DLG2: variants seen among roughly 807,000 people sequenced by gnomAD.
DLG2 encodes disks large homolog 2.
In DLG2, 45 loss-of-function variants were observed where a neutral mutation model predicts 132.5. That is an observed-to-expected ratio of 0.34 (90% CI 0.27 to 0.44). The LOEUF (loss-of-function observed/expected upper bound fraction) is 0.44, where lower values mean the gene tolerates loss of function less well. DLG2 is among the 20% of genes least tolerant of loss of function. The pLI, the probability that DLG2 is intolerant of heterozygous loss-of-function variation, is 1.00. For synonymous variants in DLG2, 424 were observed against 419.6 expected (o/e 1.01, Z -0.13); for missense variants, 1,045 against 1,196.9 (o/e 0.87, Z 1.87).
At chr11:85,340,609 G>A (rs1291248900) in intron 3 of DLG2, among the ~76,000 whole-genome samples, 1 of 152,168 alleles carries the variant, frequency 6.6e-6, no homozygotes, top group Non-Finnish European at 1.5e-5. Context: ...TGCACATTGT[G>A]CACATGTACC....
intron 14 of DLG2, among the ~76,000 whole-genome samples, chr11:83,953,542 A>T (rs1374897380): frequency 6.6e-6 from 1 of 152,206 alleles, no homozygotes; most frequent in Non-Finnish European, 1.5e-5. Flanking sequence ...CTTCCATGAA[A>T]GTGGTCCCTG....
chr11:85,182,693 A>G (rs1330890184), intron 4 of DLG2, among the ~76,000 whole-genome samples: 1 of 151,588 alleles, frequency 6.6e-6, no homozygotes, highest in Admixed American at 6.6e-5. Context: ...CTCCCCAGCA[A>G]CATATTCAGA....
chr11:83,725,032 G>A, intron 18 of DLG2: 2 of 626,370 alleles, frequency 3.2e-6, no homozygotes, highest in South Asian at 3.7e-5. Context: ...AAGCAGGTAG[G>A]GCTACCTTCC....
intron 3 of DLG2, among the ~76,000 whole-genome samples, chr11:85,291,318 A>G (rs1017708115): frequency 2.0e-5 from 3 of 152,162 alleles, no homozygotes; most frequent in Non-Finnish European, 4.4e-5. Context: ...AATGTGTAAC[A>G]TCTTTACATA....
chr11:83,932,768 G>A (rs577340583), intron 14 of DLG2, among the ~76,000 whole-genome samples: 49 of 152,080 alleles, frequency 3.2e-4, no homozygotes, highest in African/African-American at 1.2e-3. Context: ...GTTCTTTCAA[G>A]GGAGCCATAA....
chr11:84,558,605 C>T (rs76965398), intron 6 of DLG2, among the ~76,000 whole-genome samples: 4,004 of 152,232 alleles, frequency 0.026, 139 homozygotes, highest in African/African-American at 0.085. Flanking sequence ...TGCCTTAAAT[C>T]TTCGCTTCTA....
chr11:84,427,435 A>G (rs1464065916), intron 7 of DLG2, among the ~76,000 whole-genome samples: 1 of 152,154 alleles, frequency 6.6e-6, no homozygotes, highest in Non-Finnish European at 1.5e-5. Context: ...CCAGTCTTGA[A>G]GCCAGGTCTA....
intron 6 of DLG2, among the ~76,000 whole-genome samples, chr11:85,066,417 G>T (rs2064927923): frequency 6.6e-6 from 1 of 151,456 alleles, no homozygotes; most frequent in South Asian, 2.1e-4. Context: ...AAAATCAAGG[G>T]GGAGAGAATC....
At chr11:85,445,012 A>G (rs1388754856) in intron 3 of DLG2, among the ~76,000 whole-genome samples, 1 of 152,244 alleles carries the variant, frequency 6.6e-6, no homozygotes, top group East Asian at 1.9e-4. Context: ...CATTAAAACC[A>G]AAAATAAAAT....
At chr11:84,365,508 T>A (rs1176720316) in intron 7 of DLG2, among the ~76,000 whole-genome samples, 1 of 152,132 alleles carries the variant, frequency 6.6e-6, no homozygotes, top group Non-Finnish European at 1.5e-5. Context: ...TGTCTCTATT[T>A]CCTTCAGTTC....
At chr11:85,081,346 C>T (rs1415320255) in intron 6 of DLG2, among the ~76,000 whole-genome samples, 3 of 152,138 alleles carry the variant, frequency 2.0e-5, no homozygotes, top group Non-Finnish European at 2.9e-5. Context: ...TTATATTGAA[C>T]ACTTAGGATA....
At chr11:84,208,549 A>G (rs773831187) in intron 8 of DLG2, among the ~76,000 whole-genome samples, 59 of 152,132 alleles carry the variant, frequency 3.9e-4, no homozygotes, top group Non-Finnish European at 5.3e-4. Flanking sequence ...TCACCATGTT[A>G]GCCAGGCTGG....
intron 21 of DLG2, among the ~76,000 whole-genome samples, chr11:83,500,992 A>G (rs2094428314): frequency 6.6e-6 from 1 of 152,068 alleles, no homozygotes; most frequent in South Asian, 2.1e-4. Flanking sequence ...TTATACTACA[A>G]CTCAAAGGGT....
chr11:83,469,667 C>T (rs1303758528), intron 24 of DLG2, among the ~76,000 whole-genome samples: 1 of 152,104 alleles, frequency 6.6e-6, no homozygotes, highest in East Asian at 1.9e-4. Context: ...ACCTAGAGGC[C>T]ATTTCCAAAT....
intron 4 of DLG2, among the ~76,000 whole-genome samples, chr11:85,205,142 G>A (rs2081776735): frequency 7.0e-6 from 1 of 143,254 alleles, no homozygotes; most frequent in African/African-American, 2.6e-5. Context: ...ATATATATGT[G>A]TGTGTATATA....
At chr11:84,145,238 G>A (rs1374585486) in intron 9 of DLG2, among the ~76,000 whole-genome samples, 3 of 152,188 alleles carry the variant, frequency 2.0e-5, no homozygotes, top group Admixed American at 1.3e-4. Context: ...ATACAGTCAT[G>A]TGTTGCTTAA....
At chr11:84,755,897 T>G (rs1254309576) in intron 6 of DLG2, among the ~76,000 whole-genome samples, 1 of 152,148 alleles carries the variant, frequency 6.6e-6, no homozygotes, top group Non-Finnish European at 1.5e-5. Flanking sequence ...AGTTTATTGT[T>G]CCCTTCAAAA....
chr11:85,430,613 A>G (rs2153011969), intron 3 of DLG2, among the ~76,000 whole-genome samples: 2 of 152,284 alleles, frequency 1.3e-5, no homozygotes, highest in Middle Eastern at 3.4e-3. Flanking sequence ...TTAGTACTCC[A>G]TAGAGCTCCC....
Position 83,608,263 on chromosome 11 carries a change from GC to G in DLG2, c.1940+24947del, listed in dbSNP as rs545236371. Among the ~76,000 whole-genome samples, 137 of 152,164 alleles carry G rather than the reference GC, an allele frequency of 9.0e-4. 1 individual carries two copies. In the South Asian group the frequency reaches 9.1e-3, roughly 10 times the overall value. On this transcript the variant is annotated intron_variant, in intron 19 of 27. Coordinates refer to ENST00000376104, the MANE Select transcript of DLG2 (RefSeq NM_001142699.3). ...ATGTACTTAAATTAGCCTACAGTGG[GC>G]AAAATCATCTAACAATGAAGCTTGA...
Sources: gnomAD v4.1 joint callset for allele counts (sites outside exome capture counted in the v4.1 genomes callset) on GRCh38, gnomAD v4.1.1 for gene constraint, MANE v1.5 for transcripts, NCBI Gene and HGNC (gene_info 2026-07-23, HGNC 2026-07-21) for gene names.